The following PTPRG variants were observed in gnomAD, a reference collection of about 807,000 sequenced individuals.
PTPRG encodes protein tyrosine phosphatase receptor type G, also known as receptor-type tyrosine-protein phosphatase gamma.
Under a neutral mutation model 165.3 loss-of-function variants are expected in PTPRG, and 102 were observed. The observed-to-expected ratio is 0.62, with a 90% CI of 0.53 to 0.73. The LOEUF is 0.73. Ranked by LOEUF, PTPRG falls within the 30% of genes least tolerant of loss-of-function variation. PTPRG has a pLI of 0.00. For synonymous variants in PTPRG, 675 were observed against 669.5 expected (o/e 1.01, Z -0.13); for missense variants, 1,866 against 1,861.4 (o/e 1.00, Z -0.05).
rs192048817 is a variant in PTPRG at position 62,234,941 on chromosome 3, C to G, written c.2375+3630C>G. Reference sequence around the variant, plus strand: ...GTGTGATGTCTGAATCTACTTCCCCCCCCCGAGATGGTCTCAAGTATTTTA... The same window carrying G: ...GTGTGATGTCTGAATCTACTTCCCCGCCCCGAGATGGTCTCAAGTATTTTA... On this transcript the variant is annotated intron_variant, in intron 14 of 29. Transcript: ENST00000474889. Among the ~76,000 whole-genome samples, 5 of 151,346 alleles carry G rather than the reference C, an allele frequency of 3.3e-5. No homozygotes were observed. The East Asian group carries it at 5.8e-4, about 18-fold the overall frequency.
intron 1 of PTPRG, among the ~76,000 whole-genome samples, chr3:61,645,199 G>C (rs1425819790): frequency 6.6e-6 from 1 of 152,234 alleles, no homozygotes; most frequent in African/African-American, 2.4e-5. Context: ...TTTGTTACTG[G>C]TCAAGCTGGC....
chr3:62,277,829 TC>T, intron 26 of PTPRG, 150 bp downstream of exon 26: 2 of 945,428 alleles, frequency 2.1e-6, no homozygotes, highest in Non-Finnish European at 3.1e-6. Context: ...CTGTGGAGAT[TC>T]CTTTCATAGT....
chr3:61,882,566 T>C (rs145619522), intron 2 of PTPRG, among the ~76,000 whole-genome samples: 232 of 152,304 alleles, frequency 1.5e-3, no homozygotes, highest in African/African-American at 5.3e-3. Flanking sequence ...CACTTATTTG[T>C]GTTTTTCTAC....
chr3:62,078,289 G>A (rs556636416), intron 5 of PTPRG, 31 bp downstream of exon 5: 1 of 1,440,844 alleles, frequency 6.9e-7, no homozygotes, highest in African/African-American at 1.4e-5. Context: ...GTACTTCAAA[G>A]AATTCTTTGA....
In PTPRG at chr3:62,245,513, T is replaced by G. The variant is rs1487414786; in HGVS notation, c.2467+1615T>G. Among the ~76,000 whole-genome samples the G allele has an allele frequency of 6.6e-6, 1 of 152,168 alleles. No individual in the cohort carries two copies. Among genetic ancestry groups the G allele is most frequent in the Non-Finnish European group, 1.5e-5 (1 of 68,018 alleles). On this transcript the variant is annotated intron_variant, in intron 15 of 29. Coordinates refer to ENST00000474889, the MANE Select transcript of PTPRG (RefSeq NM_002841.4). This position sits in a 1 kb window ranked among gnomAD's most constrained non-coding sequence, Gnocchi z 4.2. Reference sequence around the variant, plus strand: ...AAATGGTGAAATACTTACTGGGCTGTTTTTCCATTTCTATTTTCTTTTACC... The same window carrying G: ...AAATGGTGAAATACTTACTGGGCTGGTTTTCCATTTCTATTTTCTTTTACC...
chr3:61,927,735 G>C (rs1170974186), intron 2 of PTPRG, among the ~76,000 whole-genome samples: 2 of 152,164 alleles, frequency 1.3e-5, no homozygotes. Context: ...GGATGTTGCT[G>C]CTTTATAAAA....
At position 62,277,067 on chromosome 3, in the gene PTPRG, T is replaced by G; in HGVS notation, c.3636+19T>G. The stretch of plus-strand genomic sequence containing the variant: ...TATCATGGTGAGAGTCAACAGTTAA[T>G]TATAAATAAAGTCAACTAAACTGAA... On this transcript the variant is annotated intron_variant, in intron 25 of 29. Coordinates refer to ENST00000474889, the MANE Select transcript of PTPRG (RefSeq NM_002841.4). 1 of 1,597,090 alleles carries G rather than the reference T, an allele frequency of 6.3e-7. No individual in the cohort carries two copies. The highest frequency in any genetic ancestry group is 8.6e-7 in the Non-Finnish European group (1 of 1,166,024).
At chr3:61,859,440 C>A (rs2107395863) in intron 2 of PTPRG, among the ~76,000 whole-genome samples, 1 of 152,220 alleles carries the variant, frequency 6.6e-6, no homozygotes, top group East Asian at 1.9e-4. Flanking sequence ...TGGAATATCA[C>A]CACAAGGGAA....
At chr3:62,111,795 T>G (rs1702677455) in intron 5 of PTPRG, among the ~76,000 whole-genome samples, 1 of 152,172 alleles carries the variant, frequency 6.6e-6, no homozygotes, top group African/African-American at 2.4e-5. Context: ...CCTGGATCTT[T>G]TTTTCCTTTA....
At chr3:61,808,016 T>A (rs983198038) in intron 2 of PTPRG, among the ~76,000 whole-genome samples, 4 of 152,214 alleles carry the variant, frequency 2.6e-5, no homozygotes, top group Admixed American at 6.5e-5. Flanking sequence ...GGCAAGCTGC[T>A]TTCCTCAGAA....
chr3:62,122,411 CAG>C (rs1433443809), intron 5 of PTPRG, among the ~76,000 whole-genome samples: 1 of 152,108 alleles, frequency 6.6e-6, no homozygotes, highest in East Asian at 1.9e-4. Context: ...ACTTAATCTG[CAG>C]AGACTACATT....
intron 7 of PTPRG, among the ~76,000 whole-genome samples, chr3:62,158,079 G>A (rs1204786206): frequency 6.6e-6 from 1 of 152,164 alleles, no homozygotes; most frequent in Non-Finnish European, 1.5e-5. Flanking sequence ...TGTGGACTGA[G>A]AACACTTCAT....
chr3:62,090,309 C>A (rs1224497780), intron 5 of PTPRG, among the ~76,000 whole-genome samples: 3 of 152,086 alleles, frequency 2.0e-5, no homozygotes, highest in Non-Finnish European at 4.4e-5. Context: ...AGGCACTCTT[C>A]AAAGGTGGCT....
intron 2 of PTPRG, among the ~76,000 whole-genome samples, chr3:61,860,616 G>A (rs1467552732): frequency 1.3e-5 from 2 of 151,502 alleles, no homozygotes; most frequent in Non-Finnish European, 2.9e-5. Flanking sequence ...TAATTTTTTT[G>A]TATTTTTAGT....
chr3:62,272,052 A>G (rs1196047211), intron 21 of PTPRG, among the ~76,000 whole-genome samples: 1 of 152,106 alleles, frequency 6.6e-6, no homozygotes, highest in Non-Finnish European at 1.5e-5. Flanking sequence ...CTGTGTTCAC[A>G]TAACTGCACT....
At chr3:62,129,355 T>A (rs1358328954) in intron 5 of PTPRG, among the ~76,000 whole-genome samples, 1 of 152,106 alleles carries the variant, frequency 6.6e-6, no homozygotes, top group Non-Finnish European at 1.5e-5. Context: ...ACTAAATGCA[T>A]TAAAAAGTTC....
chr3:62,036,614 A>C (rs1043745428), intron 4 of PTPRG, among the ~76,000 whole-genome samples: 1 of 152,202 alleles, frequency 6.6e-6, no homozygotes, highest in African/African-American at 2.4e-5. Flanking sequence ...AGTATGATTC[A>C]CTGACCTGAA....
intron 2 of PTPRG, among the ~76,000 whole-genome samples, chr3:61,965,398 G>A (rs1233569894): frequency 6.7e-6 from 1 of 149,894 alleles, no homozygotes. Context: ...TGAGGCAGGA[G>A]AATGGCTTGA....
chr3:61,733,207 A>G (rs956951687), intron 1 of PTPRG, among the ~76,000 whole-genome samples: 2 of 152,144 alleles, frequency 1.3e-5, no homozygotes, highest in Non-Finnish European at 2.9e-5. Flanking sequence ...AACATGTTCT[A>G]TATTGGTATT....
Sources: gnomAD v4.1 joint callset for allele counts (sites outside exome capture counted in the v4.1 genomes callset) on GRCh38, gnomAD v4.1.1 for gene constraint, Gnocchi (gnomAD v3.1) non-coding constraint, MANE v1.5 for transcripts, NCBI Gene and HGNC (gene_info 2026-07-23, HGNC 2026-07-21) for gene names.